Variants in OTUD7B observed in about 807,000 individuals in gnomAD.
OTUD7B encodes the protein OTU deubiquitinase 7B.
In OTUD7B, 34 loss-of-function variants were observed where a neutral mutation model predicts 82.2. The observed-to-expected ratio is 0.41, with a 90% CI of 0.31 to 0.55. The LOEUF is 0.55. Ranked by LOEUF, OTUD7B falls within the 20% of genes least tolerant of loss-of-function variation. OTUD7B has a pLI of 0.20. For synonymous variants in OTUD7B, 398 were observed against 402.7 expected (o/e 0.99, Z 0.14); for missense variants, 944 against 1,062.1 (o/e 0.89, Z 1.55).
Position 149,990,831 on chromosome 1 carries a change from A to C in OTUD7B, c.-66-13255T>G, listed in dbSNP as rs148860601. ...ACATAGTGAAACCCCGTCTCTACTA[A>C]ATACAAAAAATTAGCCAGGCATGGT... On this transcript the variant is annotated intron_variant, in intron 1 of 11. Transcript: ENST00000581312. Among the ~76,000 whole-genome samples, 41 of 152,232 alleles carry C rather than the reference A, an allele frequency of 2.7e-4. No homozygotes were observed. In the East Asian group the frequency reaches 7.5e-3, roughly 28 times the overall value.
chr1:149,999,400 A>G (rs1300172732), intron 1 of OTUD7B, among the ~76,000 whole-genome samples: 1 of 152,160 alleles, frequency 6.6e-6, no homozygotes. Context: ...CATGTCAGTA[A>G]ACAACAGGGA....
the OTUD7B span, among the ~76,000 whole-genome samples, chr1:150,033,689 AT>A: frequency 6.6e-6 from 1 of 152,138 alleles, no homozygotes; most frequent in African/African-American, 2.4e-5. Flanking sequence ...ACATACTAAT[AT>A]TATGACATAT....
the OTUD7B span, among the ~76,000 whole-genome samples, chr1:150,035,257 T>G: frequency 1.1e-3 from 168 of 152,262 alleles, 1 homozygote; most frequent in South Asian, 2.7e-3. Flanking sequence ...TACTTAAATA[T>G]TTTCTGATTA....
chr1:149,950,789 G>GTTTTTTTTTTTTTTTTTTTTT (rs76513068), intron 7 of OTUD7B, among the ~76,000 whole-genome samples: 1 of 132,724 alleles, frequency 7.5e-6, no homozygotes. Context: ...TGTGTTTTTT[G>GTTTTTTTTTTTTTTTTTTTTT]TTTTTTTTTC....
At chr1:149,978,036 G>A (rs72692826) in intron 1 of OTUD7B, among the ~76,000 whole-genome samples, 4,224 of 152,330 alleles carry the variant, frequency 0.028, 81 homozygotes, top group Non-Finnish European at 0.046. Context: ...CAGGAAACTT[G>A]TATGTCTCCT....
rs1370363812 is a variant in OTUD7B, at chr1:149,943,612, T to C, written c.*245A>G. 19 of 512,378 alleles carry C rather than the reference T, an allele frequency of 3.7e-5. No individual in the cohort carries two copies. Among genetic ancestry groups the C allele is most frequent in the Non-Finnish European group, 5.6e-5 (16 of 287,778 alleles). The allele number at this position is 512,378 out of a possible 1,614,324, so 31.7% of individuals were successfully genotyped here. On this transcript the variant is annotated 3_prime_UTR_variant, in exon 12 of 12. Coordinates refer to ENST00000581312, the MANE Select transcript of OTUD7B (RefSeq NM_020205.4). ...AGACAGAATCGCCATCTTTTCCCCT[T>C]GTACCTCAAACCTCATCAAGTCAAG...
At chr1:149,956,401 T>A (rs587676617) in intron 7 of OTUD7B, among the ~76,000 whole-genome samples, 1 of 152,218 alleles carries the variant, frequency 6.6e-6, no homozygotes, top group South Asian at 2.1e-4. Flanking sequence ...TGCCGAGAGA[T>A]CTGCTGTTAG....
intron 5 of OTUD7B, 118 bp downstream of exon 5, chr1:149,965,659 C>T (rs1486849221): frequency 8.4e-6 from 6 of 710,730 alleles, no homozygotes; most frequent in Admixed American, 2.2e-5. Context: ...TGCACAATCT[C>T]GCTCTGAACC....
chr1:150,019,454 G>A, the OTUD7B span, among the ~76,000 whole-genome samples: 3 of 152,052 alleles, frequency 2.0e-5, no homozygotes, highest in East Asian at 1.9e-4. Flanking sequence ...TGCAACCTCC[G>A]GCTCCCAGGT....
the OTUD7B span, among the ~76,000 whole-genome samples, chr1:150,050,971 G>A: frequency 6.6e-6 from 1 of 151,188 alleles, no homozygotes; most frequent in Non-Finnish European, 1.5e-5. Context: ...GCTCACGCCT[G>A]TAATTCCAGC....
rs1366020859 is a variant in OTUD7B, at chr1:149,960,413, T to TTTTTTTTTTTTTTTTTTTG, written c.733-618_733-617insCAAAAAAAAAAAAAAAAAA. On this transcript the variant is annotated intron_variant, in intron 6 of 11. Coordinates refer to ENST00000581312, the MANE Select transcript of OTUD7B (RefSeq NM_020205.4). ...CCTTTTTTTCTTTTTTTTTTTTTTG[T>TTTTTTTTTTTTTTTTTTTG]AGACAGAGTCACCCAGGCTGGAGTG... Among the ~76,000 whole-genome samples, 9 of 72,564 alleles carry TTTTTTTTTTTTTTTTTTTG rather than the reference T, an allele frequency of 1.2e-4. 1 individual carries two copies. The highest frequency in any genetic ancestry group is 1.7e-4 in the Non-Finnish European group (7 of 40,932). The allele number at this position is 72,564 out of a possible 152,430, so 47.6% of individuals were successfully genotyped here. A position where few individuals can be genotyped will look rare whatever the true frequency, so the allele number is the denominator to read the frequency against.
chr1:149,993,471 T>C (rs1165872364), intron 1 of OTUD7B, among the ~76,000 whole-genome samples: 4 of 152,222 alleles, frequency 2.6e-5, no homozygotes, highest in African/African-American at 9.6e-5. Flanking sequence ...CAGCCAACTT[T>C]CTTAACAAAA....
Position 149,945,039 on chromosome 1 carries a change from G to T in OTUD7B, c.1350C>A (p.Pro450=). 1 of 1,613,844 alleles carries T rather than the reference G, an allele frequency of 6.2e-7. No homozygotes were observed. Among genetic ancestry groups the T allele is most frequent in the Non-Finnish European group, 8.5e-7 (1 of 1,179,916 alleles). ...GGGGCTCATCTCCAGCTGAGGCGGTGGGGGACTCAGGCTGGGCCAGAGGAG... is the reference window on the plus strand; with the variant it reads ...GGGGCTCATCTCCAGCTGAGGCGGTTGGGGACTCAGGCTGGGCCAGAGGAG... ...AQAPLAQPES[P]TASAGDEPRS... Residue 450 remains proline (P), a synonymous_variant, in exon 12 of 12, where the codon CCC becomes CCA. Transcript: ENST00000581312.
Position 149,975,644 on chromosome 1 carries a change from G to A in OTUD7B, c.85+1782C>T, listed in dbSNP as rs139339543. ...ATAGAGGAAAGAAATGCTCCAGACTGAGGAAGTAACCTAACATGATCACCA... is the reference window on the plus strand; with the variant it reads ...ATAGAGGAAAGAAATGCTCCAGACTAAGGAAGTAACCTAACATGATCACCA... On this transcript the variant is annotated intron_variant, in intron 2 of 11. Coordinates refer to ENST00000581312, the MANE Select transcript of OTUD7B (RefSeq NM_020205.4). Among the ~76,000 whole-genome samples, 387 of 152,336 alleles carry A rather than the reference G, an allele frequency of 2.5e-3. 1 individual carries two copies. Among genetic ancestry groups the A allele is most frequent in the Admixed American group, 6.6e-3 (101 of 15,298 alleles).
Position 149,944,199 on chromosome 1 carries a change from G to A in OTUD7B, c.2190C>T (p.Phe730=), listed in dbSNP as rs1553771246. 6.2e-7 allele frequency: 1 copy of A among 1,613,714 alleles called. No individual in the cohort carries two copies. The highest frequency in any genetic ancestry group is 8.5e-7 in the Non-Finnish European group (1 of 1,179,706). ...CVGGLPPYAT[F]PRQCPPGRPY... Reference sequence around the variant, plus strand: ...GTCGCCCAGGAGGGCACTGTCTGGGGAAGGTGGCATATGGTGGTAGGCCCC... The same window carrying A: ...GTCGCCCAGGAGGGCACTGTCTGGGAAAGGTGGCATATGGTGGTAGGCCCC... The change falls in exon 12 of 12, where the codon TTC becomes TTT. Residue 730 remains phenylalanine, a synonymous_variant. Coordinates refer to ENST00000581312, the MANE Select transcript of OTUD7B (RefSeq NM_020205.4).
rs1312118293 is a variant in OTUD7B, at chr1:149,940,602, G to A, written c.*3255C>T. Reference sequence around the variant, plus strand: ...GGTACCCCAGTTGCCCTGGATTAAAGGAACTAAGTGCACTTAAATTTAAGC... The same window carrying A: ...GGTACCCCAGTTGCCCTGGATTAAAAGAACTAAGTGCACTTAAATTTAAGC... On this transcript the variant is annotated 3_prime_UTR_variant, in exon 12 of 12. Coordinates refer to ENST00000581312, the MANE Select transcript of OTUD7B (RefSeq NM_020205.4). 6 of 152,056 alleles carry A rather than the reference G, an allele frequency of 3.9e-5. No homozygotes were observed. Among genetic ancestry groups the A allele is most frequent in the African/African-American group, 1.4e-4 (6 of 41,404 alleles). 9.4% of individuals were successfully genotyped at this position (152,056 alleles called of 1,614,324 possible).
intron 1 of OTUD7B, among the ~76,000 whole-genome samples, chr1:149,986,911 T>C (rs1553780952): frequency 2.0e-5 from 3 of 152,222 alleles, no homozygotes; most frequent in African/African-American, 7.2e-5. Flanking sequence ...TTTTACTATA[T>C]TTTTTCTTTT....
chr1:149,947,776 C>G (rs1553772477), intron 10 of OTUD7B, among the ~76,000 whole-genome samples: 1 of 152,028 alleles, frequency 6.6e-6, no homozygotes, highest in African/African-American at 2.4e-5. Flanking sequence ...GGCAGGAGCC[C>G]AGAGAGTGAA....
chr1:149,992,718 C>T (rs1553782424), intron 1 of OTUD7B, among the ~76,000 whole-genome samples: 1 of 151,978 alleles, frequency 6.6e-6, no homozygotes, highest in Admixed American at 6.6e-5. Flanking sequence ...GTGATCCACC[C>T]GCCTCAGTCT....
Sources: allele counts gnomAD v4.1 joint callset (sites outside exome capture counted in the v4.1 genomes callset), GRCh38; gene constraint gnomAD v4.1.1; transcripts MANE v1.5; gene names NCBI Gene and HGNC (gene_info 2026-07-23, HGNC 2026-07-21).